Variants in ACSS3 observed in about 807,000 individuals in gnomAD.
ACSS3 encodes the protein acyl-CoA synthetase short chain family member 3.
ACSS3 carries 64 observed loss-of-function variants against 84.2 expected under a neutral mutation model. The observed-to-expected ratio is 0.76, with a 90% CI of 0.62 to 0.94. The LOEUF is 0.94. Ranked by LOEUF, ACSS3 falls within the 40% of genes least tolerant of loss-of-function variation. The pLI is 0.00. For synonymous variants in ACSS3, 317 were observed against 310.1 expected (o/e 1.02, Z -0.23); for missense variants, 815 against 867.6 (o/e 0.94, Z 0.76).
intron 13 of ACSS3, among the ~76,000 whole-genome samples, chr12:81,241,097 G>T: frequency 6.8e-6 from 1 of 147,950 alleles, no homozygotes; most frequent in East Asian, 2.0e-4. Context: ...TTGGTTTTTT[G>T]TTCTTGCGAT....
intron 1 of ACSS3, among the ~76,000 whole-genome samples, chr12:81,097,523 T>C (rs1190466506): frequency 6.6e-6 from 1 of 152,196 alleles, no homozygotes; most frequent in Non-Finnish European, 1.5e-5. Context: ...AACACCTCCC[T>C]GCTTCCATCT....
intron 2 of ACSS3, among the ~76,000 whole-genome samples, chr12:81,131,782 T>C (rs1398144835): frequency 1.6e-4 from 25 of 152,170 alleles, no homozygotes; most frequent in East Asian, 1.9e-4. Context: ...ATAGCTCTTA[T>C]TATTTTGAGA....
At chr12:81,235,298 A>G (rs1180223499) in intron 13 of ACSS3, among the ~76,000 whole-genome samples, 1 of 151,136 alleles carries the variant, frequency 6.6e-6, no homozygotes, top group Non-Finnish European at 1.5e-5. Flanking sequence ...TATGATGATC[A>G]TGGAAAATAT....
chr12:81,186,017 T>C (rs556948816), intron 8 of ACSS3, among the ~76,000 whole-genome samples: 3 of 151,660 alleles, frequency 2.0e-5, no homozygotes, highest in East Asian at 1.9e-4. Context: ...TAAACATAGA[T>C]CAGTGTGGCA....
At chr12:81,170,417 A>G (rs1006440158) in intron 7 of ACSS3, among the ~76,000 whole-genome samples, 1 of 152,122 alleles carries the variant, frequency 6.6e-6, no homozygotes, top group African/African-American at 2.4e-5. Context: ...AATCTTGCTA[A>G]TATTAGCAAT....
At position 81,083,358 on chromosome 12, in the gene ACSS3, C is replaced by CTTTTTT. The variant is rs111641450; in HGVS notation, c.311+4934_311+4939dup. Among the ~76,000 whole-genome samples the CTTTTTT allele has an allele frequency of 2.7e-4, 38 of 140,318 alleles. 6 individuals carry two copies. The highest frequency in any genetic ancestry group is 3.2e-4 in the Non-Finnish European group (21 of 65,258). 92.1% of individuals were successfully genotyped at this position (140,318 alleles called of 152,430 possible). A position where few individuals can be genotyped will look rare whatever the true frequency, so the allele number is the denominator to read the frequency against. ...TCCTGTAAAAAATTCAGCTTTTGGT[C>CTTTTTT]TTTTTTTTTTTTCTTTTGAGACGGA... is the stretch of plus-strand genomic sequence containing the variant. On this transcript the variant is annotated intron_variant, in intron 1 of 15. Coordinates refer to ENST00000548058, the MANE Select transcript of ACSS3 (RefSeq NM_024560.4).
At chr12:81,253,255 T>C in intron 13 of ACSS3, 52 bp from the exon 14 acceptor site, 2 of 1,492,798 alleles carry the variant, frequency 1.3e-6, no homozygotes, top group East Asian at 2.3e-5. Flanking sequence ...ATGTTGAATA[T>C]ACATATATGG....
chr12:81,147,866 TACACACAC>T (rs149709961), intron 5 of ACSS3, among the ~76,000 whole-genome samples: 2 of 149,020 alleles, frequency 1.3e-5, no homozygotes, highest in African/African-American at 4.9e-5. Flanking sequence ...GCTGAATTGA[TACACACAC>T]ACACACACAC....
intron 5 of ACSS3, among the ~76,000 whole-genome samples, chr12:81,148,244 A>G (rs1330286696): frequency 6.6e-6 from 1 of 152,118 alleles, no homozygotes; most frequent in Non-Finnish European, 1.5e-5. Context: ...CTCTTCTACA[A>G]CACCTATTGT....
In ACSS3 at chr12:81,128,433, G is replaced by A. The variant is rs147702073; in HGVS notation, c.457-6383G>A. Among the ~76,000 whole-genome samples the A allele has an allele frequency of 4.1e-3, 617 of 152,122 alleles. 8 individuals are homozygous for A. Among genetic ancestry groups the A allele is most frequent in the African/African-American group, 0.015 (602 of 41,486 alleles). On this transcript the variant is annotated intron_variant, in intron 2 of 15. Coordinates refer to ENST00000548058, the MANE Select transcript of ACSS3 (RefSeq NM_024560.4). ...TTTTCATTTCCTCTAGGCTTCCTTC[G>A]CAGCCCAGTAATTCACACATTGGTA...
intron 11 of ACSS3, among the ~76,000 whole-genome samples, chr12:81,229,554 T>C (rs1481513877): frequency 6.6e-6 from 1 of 151,910 alleles, no homozygotes; most frequent in East Asian, 1.9e-4. Context: ...GTATTGTTAT[T>C]TACAAGTATT....
intron 11 of ACSS3, among the ~76,000 whole-genome samples, chr12:81,222,670 T>A (rs1280603853): frequency 6.6e-6 from 1 of 152,082 alleles, no homozygotes; most frequent in African/African-American, 2.4e-5. Flanking sequence ...AAGAACCTTT[T>A]GATCCACCTA....
intron 15 of ACSS3, among the ~76,000 whole-genome samples, 187 bp from the exon 16 acceptor site, chr12:81,254,670 A>AT (rs1315024447): frequency 1.3e-5 from 2 of 152,128 alleles, no homozygotes; most frequent in East Asian, 3.9e-4. Context: ...TGAACTGTTT[A>AT]TTTTTTTACT....
At chr12:81,169,886 A>G (rs2029897178) in intron 7 of ACSS3, among the ~76,000 whole-genome samples, 1 of 152,146 alleles carries the variant, frequency 6.6e-6, no homozygotes, top group African/African-American at 2.4e-5. Context: ...ATTTGCTACT[A>G]GTCGATAAAG....
chr12:81,119,428 C>A (rs1211464026), intron 2 of ACSS3, among the ~76,000 whole-genome samples: 2 of 152,076 alleles, frequency 1.3e-5, no homozygotes, highest in African/African-American at 2.4e-5. Flanking sequence ...GGTCTGACCT[C>A]AAATTTACCA....
intron 8 of ACSS3, among the ~76,000 whole-genome samples, chr12:81,181,409 ATTCTCTGAAGTT>A (rs2030913730): frequency 6.6e-6 from 1 of 152,160 alleles, no homozygotes; most frequent in Admixed American, 6.5e-5. Context: ...TATGAAAGTC[ATTCTCTGAAGTT>A]TGGAAGAGGA....
At chr12:81,145,416 G>A (rs1275841655) in intron 5 of ACSS3, among the ~76,000 whole-genome samples, 2 of 152,160 alleles carry the variant, frequency 1.3e-5, no homozygotes, top group Non-Finnish European at 2.9e-5. Flanking sequence ...TGTATTGAGT[G>A]CTCAACAGAT....
At chr12:81,092,184 C>G (rs557581582) in intron 1 of ACSS3, among the ~76,000 whole-genome samples, 1 of 152,016 alleles carries the variant, frequency 6.6e-6, no homozygotes, top group Non-Finnish European at 1.5e-5. Context: ...TTTGTTAATG[C>G]ATTTGTTTCT....
chr12:81,089,986 A>G (rs542104932), intron 1 of ACSS3, among the ~76,000 whole-genome samples: 1 of 152,134 alleles, frequency 6.6e-6, no homozygotes, highest in East Asian at 1.9e-4. Context: ...ATAAGTTGTA[A>G]TTATGCTCTC....
Sources: allele counts gnomAD v4.1 joint callset (sites outside exome capture counted in the v4.1 genomes callset), GRCh38; gene constraint gnomAD v4.1.1; transcripts MANE v1.5; gene names NCBI Gene and HGNC (gene_info 2026-07-23, HGNC 2026-07-21).